Variants in SERINC5 observed in about 807,000 individuals in gnomAD.
The protein encoded by SERINC5 is serine incorporator 5.
In SERINC5, 41 loss-of-function variants were observed where a neutral mutation model predicts 63.1. The observed-to-expected ratio is 0.65, with a 90% CI of 0.51 to 0.84. The LOEUF is 0.84. Ranked by LOEUF, SERINC5 falls within the 40% of genes least tolerant of loss-of-function variation. The pLI, the probability that SERINC5 is intolerant of heterozygous loss-of-function variation, is 0.00. For synonymous variants in SERINC5, 222 were observed against 215.2 expected, an observed-to-expected ratio of 1.03 and a Z score of -0.28; for missense variants, 523 against 573.0, an observed-to-expected ratio of 0.91 and a Z score of 0.89.
chr5:80,154,480 C>T (rs1036499803), intron 8 of SERINC5, among the ~76,000 whole-genome samples: 2 of 151,948 alleles, frequency 1.3e-5, no homozygotes, highest in Admixed American at 1.3e-4. Flanking sequence ...CGCCTGGCCA[C>T]GGGGTGGAAG....
chr5:80,141,312 C>T lies in SERINC5; in HGVS notation c.*2351G>A. 2 of 985,474 alleles carry T rather than the reference C, an allele frequency of 2.0e-6. No homozygotes were observed. Among genetic ancestry groups the T allele is most frequent in the Non-Finnish European group, 2.4e-6 (2 of 829,944 alleles). The allele number at this position is 985,474 out of a possible 1,614,324, so 61.0% of individuals were successfully genotyped here. On this transcript the variant is annotated 3_prime_UTR_variant, in exon 12 of 12. Coordinates refer to ENST00000507668, the MANE Select transcript of SERINC5 (RefSeq NM_001174072.3). ...ATCTGGAAAACGTTGTGTGGCTGGG[C>T]TGGCTCCAGAAGGAAGCGACGAGGG...
chr5:80,139,982 A>C lies in SERINC5; in HGVS notation c.*3681T>G. ...ATACAGGCTCTGGAATTTCCTTCGC[A>C]GGAAGGTGAAGCACCAATGATGGCA... is the stretch of plus-strand genomic sequence containing the variant. On this transcript the variant is annotated 3_prime_UTR_variant, in exon 12 of 12. Coordinates refer to ENST00000507668, the MANE Select transcript of SERINC5 (RefSeq NM_001174072.3). 1.0e-6 allele frequency: 1 copy of C among 985,426 alleles called. No individual in the cohort carries two copies. Among genetic ancestry groups the C allele is most frequent in the African/African-American group, 1.7e-5 (1 of 57,368 alleles). The allele number at this position is 985,426 out of a possible 1,614,324, so 61.0% of individuals were successfully genotyped here.
intron 2 of SERINC5, among the ~76,000 whole-genome samples, chr5:80,195,035 C>A (rs369177195): frequency 6.6e-6 from 1 of 152,096 alleles, no homozygotes; most frequent in Non-Finnish European, 1.5e-5. Flanking sequence ...ACCTGTAATC[C>A]CAGCACTTTG....
At chr5:80,169,585 A>C (rs1747519807) in intron 5 of SERINC5, 39 bp from the exon 6 acceptor site, 9 of 1,541,714 alleles carry the variant, frequency 5.8e-6, no homozygotes, top group Non-Finnish European at 7.1e-6. Context: ...AGAGGAGAGA[A>C]GACAAGTCAA....
chr5:80,204,639 A>G, intron 1 of SERINC5, among the ~76,000 whole-genome samples: 1 of 152,244 alleles, frequency 6.6e-6, no homozygotes, highest in East Asian at 1.9e-4. Context: ...CATCTGAAGT[A>G]TTATAATCGT....
At chr5:80,229,360 T>TTG (rs1318054279) in intron 1 of SERINC5, among the ~76,000 whole-genome samples, 1 of 151,308 alleles carries the variant, frequency 6.6e-6, no homozygotes, top group Non-Finnish European at 1.5e-5. Context: ...TTTTTTTTTT[T>TTG]TGCTAATTTA....
chr5:80,141,456 T>G lies in SERINC5; in HGVS notation c.*2207A>C. ...TTGTCAGCTGGACCTTGACTGCGCG[T>G]AAGGTCAGTTTCTCAAATCACACCA... On this transcript the variant is annotated 3_prime_UTR_variant, in exon 12 of 12. Transcript: ENST00000507668. 1 of 981,048 alleles carries G rather than the reference T, an allele frequency of 1.0e-6. No homozygotes were observed. The highest frequency in any genetic ancestry group is 1.9e-5 in the African/African-American group (1 of 53,042). 60.8% of individuals were successfully genotyped at this position (981,048 alleles called of 1,614,324 possible).
chr5:80,205,171 T>C (rs1248386096), intron 1 of SERINC5, among the ~76,000 whole-genome samples: 1 of 152,204 alleles, frequency 6.6e-6, no homozygotes, highest in African/African-American at 2.4e-5. Context: ...GCTACAGAGA[T>C]GAGGGGAGTT....
intron 11 of SERINC5, among the ~76,000 whole-genome samples, chr5:80,145,546 C>CA (rs1745763297): frequency 6.6e-6 from 1 of 151,832 alleles, no homozygotes; most frequent in South Asian, 2.1e-4. Flanking sequence ...GAAAAAGATA[C>CA]ACAAAATTTG....
At chr5:80,147,709 T>TTTG (rs1745911992) in intron 9 of SERINC5, among the ~76,000 whole-genome samples, 1 of 152,154 alleles carries the variant, frequency 6.6e-6, no homozygotes, top group African/African-American at 2.4e-5. Context: ...ATGTGCTGAC[T>TTTG]TTTAATAAAT....
chr5:80,175,800 G>T (rs1580115304), intron 4 of SERINC5, among the ~76,000 whole-genome samples: 1 of 149,180 alleles, frequency 6.7e-6, no homozygotes, highest in African/African-American at 2.5e-5. Flanking sequence ...TGAGGTGGAG[G>T]TCACAGTGAG....
chr5:80,193,416 T>C (rs1348037059), intron 2 of SERINC5, among the ~76,000 whole-genome samples: 1 of 152,206 alleles, frequency 6.6e-6, no homozygotes, highest in Non-Finnish European at 1.5e-5. Context: ...CTGTGGACAG[T>C]TGCTTAACAG....
intron 7 of SERINC5, among the ~76,000 whole-genome samples, chr5:80,163,985 G>A (rs763259351): frequency 1.3e-5 from 2 of 152,168 alleles, no homozygotes; most frequent in African/African-American, 4.8e-5. Flanking sequence ...ATTTGGCTAT[G>A]ACTCCATTCG....
chr5:80,238,512 T>C (rs978654623), intron 1 of SERINC5, among the ~76,000 whole-genome samples: 18 of 152,064 alleles, frequency 1.2e-4, no homozygotes, highest in African/African-American at 4.3e-4. Flanking sequence ...GAGCCAGGCA[T>C]GGTGGCGCAT....
intron 11 of SERINC5, among the ~76,000 whole-genome samples, chr5:80,132,873 C>G (rs150866904): frequency 0.024 from 3,614 of 152,286 alleles, 69 homozygotes; most frequent in Non-Finnish European, 0.038. Flanking sequence ...CCAATTGCTA[C>G]ATGTTTGGGA....
chr5:80,116,109 C>T, intron 11 of SERINC5: 1 of 358,138 alleles, frequency 2.8e-6, no homozygotes, highest in Non-Finnish European at 5.5e-6. Context: ...AAAGCCTCCA[C>T]GTTGCTGCAG....
Position 80,234,987 on chromosome 5 carries a change from C to T in SERINC5, c.27+20909G>A, listed in dbSNP as rs551542006. 1.8e-4 allele frequency among the ~76,000 whole-genome samples: 28 copies of T among 152,266 alleles called. No individual in the cohort carries two copies. The South Asian group carries it at 5.8e-3, about 31-fold the overall frequency. On this transcript the variant is annotated intron_variant, in intron 1 of 11. Transcript: ENST00000507668. Reference sequence around the variant, plus strand: ...CCTAACCACTTTTAAGTGTACAGTTCAGTAGTGTTAAGTATATTCATATTG... The same window carrying T: ...CCTAACCACTTTTAAGTGTACAGTTTAGTAGTGTTAAGTATATTCATATTG...
At chr5:80,118,318 G>A (rs1744411205) in intron 11 of SERINC5, among the ~76,000 whole-genome samples, 1 of 152,162 alleles carries the variant, frequency 6.6e-6, no homozygotes, top group African/African-American at 2.4e-5. Flanking sequence ...TTAGGATGTA[G>A]ACGTCTTTTT....
intron 1 of SERINC5, among the ~76,000 whole-genome samples, chr5:80,222,568 G>GTGT (rs1491568333): frequency 2.5e-5 from 3 of 121,184 alleles, no homozygotes; most frequent in African/African-American, 8.5e-5. Flanking sequence ...GTGAGTGTGT[G>GTGT]AGTGTGTGTG....
Sources: allele counts gnomAD v4.1 joint callset (sites outside exome capture counted in the v4.1 genomes callset), GRCh38; gene constraint gnomAD v4.1.1; transcripts MANE v1.5; gene names NCBI Gene and HGNC (gene_info 2026-07-23, HGNC 2026-07-21).